The following ZNF34 variants were observed in gnomAD, a reference collection of about 807,000 sequenced individuals.
ZNF34 encodes zinc finger protein 34 (KOX 32).
A neutral mutation model predicts 14.4 loss-of-function variants in ZNF34; 8 were observed. The ratio of observed to expected loss-of-function variants is 0.55; its 90% confidence interval spans 0.33 to 1.00. The LOEUF is 1.00. Ranked by LOEUF, ZNF34 falls within the 50% of genes least tolerant of loss-of-function variation. The pLI is 0.03. For missense variants in ZNF34, 538 were observed against 674.2 expected (o/e 0.80, Z 2.24); for synonymous variants, 235 against 247.9 (o/e 0.95, Z 0.49).
At chr8:144,783,310 A>G (rs1826015914) in intron 1 of ZNF34, among the ~76,000 whole-genome samples, 1 of 152,214 alleles carries the variant, frequency 6.6e-6, no homozygotes, top group Admixed American at 6.5e-5. Context: ...AAGCACTTGT[A>G]GTAGATTCAG....
In ZNF34 at chr8:144,773,139, T is replaced by G. The variant is rs1825262396; in HGVS notation, c.*127A>C. 8.6e-6 allele frequency: 9 copies of G among 1,044,862 alleles called. No individual in the cohort carries two copies. Among genetic ancestry groups the G allele is most frequent in the South Asian group, 8.5e-5 (4 of 47,312 alleles). 64.7% of individuals were successfully genotyped at this position (1,044,862 alleles called of 1,614,324 possible). On this transcript the variant is annotated 3_prime_UTR_variant, in exon 6 of 6. Coordinates refer to ENST00000429371, the MANE Select transcript of ZNF34 (RefSeq NM_001286769.2). The surrounding 1 kb of genome is among the most constrained non-coding windows in gnomAD (Gnocchi z 5.4). Reference sequence around the variant, plus strand: ...TTTTGATTTAAGAAAAGAGGTTTGTTTAATGAGAAACGTCCTTTCACTCTG... The same window carrying G: ...TTTTGATTTAAGAAAAGAGGTTTGTGTAATGAGAAACGTCCTTTCACTCTG...
chr8:144,775,334 G>A (rs879636734), intron 5 of ZNF34, among the ~76,000 whole-genome samples: 1 of 152,184 alleles, frequency 6.6e-6, no homozygotes, highest in Non-Finnish European at 1.5e-5. Context: ...CTTATCTAAA[G>A]CTGATCTATG....
At chr8:144,786,183 T>C (rs1490432844) in intron 1 of ZNF34, among the ~76,000 whole-genome samples, 1 of 151,668 alleles carries the variant, frequency 6.6e-6, no homozygotes, top group African/African-American at 2.4e-5. Flanking sequence ...AGACGGGGTT[T>C]CACTGGGTTA....
Position 144,777,520 on chromosome 8 carries a change from T to C in ZNF34, c.218A>G (p.Glu73Gly). The part of the protein sequence containing the change: ...GVISQLERGD[E>G]PWVLDVQGTS... ...GCCCTGAACATCCAGGACCCAGGGCTCATCCCCTCGCTCCAACTGCGAGAT... is the reference window on the plus strand; with the variant it reads ...GCCCTGAACATCCAGGACCCAGGGCCCATCCCCTCGCTCCAACTGCGAGAT... The change falls in exon 5 of 6, where the codon GAG becomes GGG. Residue 73 changes from glutamate (E) to glycine (G), a missense_variant. Physicochemically the swap from Glu to Gly is moderately conservative, Grantham distance 98. Transcript: ENST00000429371. The surrounding 1 kb of genome is among the most constrained non-coding windows in gnomAD (Gnocchi z 4.8). 3 of 1,554,336 alleles carry C rather than the reference T, an allele frequency of 1.9e-6. No homozygotes were observed. The highest frequency in any genetic ancestry group is 2.6e-6 in the Non-Finnish European group (3 of 1,148,490).
Position 144,774,108 on chromosome 8 carries a change from A to G in ZNF34, c.778T>C (p.Cys260Arg), listed in dbSNP as rs778537418. 6.2e-7 allele frequency: 1 copy of G among 1,614,060 alleles called. No homozygotes were observed. The highest frequency in any genetic ancestry group is 2.2e-5 in the East Asian group (1 of 44,864). The change falls in exon 6 of 6, where the codon TGT becomes CGT. Residue 260 changes from cysteine to arginine, a missense_variant. By Grantham distance (180) the Cys-to-Arg change is radical. Around this residue, in one of 3 missense-constraint regions of ZNF34, gnomAD observed 431 missense variants for 525.7 expected, o/e 0.82. Transcript: ENST00000429371. ...RLHTEEKPYK[C>R]DECGKAFSQS... Reference sequence around the variant, plus strand: ...CTGAAGGCTTTCCCACACTCATCACATTTGTAGGGCTTCTCTTCAGTGTGA... The same window carrying G: ...CTGAAGGCTTTCCCACACTCATCACGTTTGTAGGGCTTCTCTTCAGTGTGA...
In ZNF34 at chr8:144,773,249, C is replaced by G; in HGVS notation, c.*17G>C. 6.3e-7 allele frequency: 1 copy of G among 1,580,926 alleles called. No individual in the cohort carries two copies. Among genetic ancestry groups the G allele is most frequent in the Admixed American group, 1.7e-5 (1 of 58,556 alleles). ...GAAGTGCTCAGCTGGACTCTGCCCT[C>G]GGACACCGCGCCACTGTTACATGGA... On this transcript the variant is annotated 3_prime_UTR_variant, in exon 6 of 6. Transcript: ENST00000429371. The surrounding 1 kb of genome is among the most constrained non-coding windows in gnomAD (Gnocchi z 5.4).
chr8:144,777,283 C>G lies in ZNF34; in HGVS notation c.280+175G>C, dbSNP rs1825582839. 1.3e-5 allele frequency among the ~76,000 whole-genome samples: 2 copies of G among 152,128 alleles called. No individual in the cohort carries two copies. The highest frequency in any genetic ancestry group is 2.9e-5 in the Non-Finnish European group (2 of 68,026). ...AGATTCTGCTCAATAATCTCCCCAC[C>G]AAGGTGCCCAGACTGAGAGGGGTCA... On this transcript the variant is annotated intron_variant, in intron 5 of 5. Coordinates refer to ENST00000429371, the MANE Select transcript of ZNF34 (RefSeq NM_001286769.2). This position sits in a 1 kb window ranked among gnomAD's most constrained non-coding sequence, Gnocchi z 4.8.
intron 1 of ZNF34, among the ~76,000 whole-genome samples, chr8:144,781,769 C>T (rs149970185): frequency 1.0e-3 from 156 of 152,230 alleles, no homozygotes; most frequent in African/African-American, 3.6e-3. Context: ...TGAAAAGTAA[C>T]CCTCTCCCCA....
intron 1 of ZNF34, among the ~76,000 whole-genome samples, chr8:144,784,584 A>C (rs1826108314): frequency 2.0e-5 from 3 of 151,588 alleles, no homozygotes; most frequent in Non-Finnish European, 4.4e-5. Flanking sequence ...ATGGTGAAAC[A>C]CTGTCTCTAC....
Position 144,778,448 on chromosome 8 carries a change from G to A in ZNF34, c.24C>T (p.Ala8=), listed in dbSNP as rs1415617053. The A allele has an allele frequency of 3.8e-6, 6 of 1,582,122 alleles. No homozygotes were observed. Among genetic ancestry groups the A allele is most frequent in the Non-Finnish European group, 5.2e-6 (6 of 1,164,518 alleles). ...GAGGACAGACACTCACCTGGGGTGG[G>A]GCAGACAGGAACAAGGCCGCCATTG... The part of the protein sequence containing the change: MAALFLS[A]PPQAEVTFED... The change falls in exon 3 of 6, where the codon GCC becomes GCT. Residue 8 remains alanine (A), a synonymous_variant. Transcript: ENST00000429371.
rs577421807 is a variant in ZNF34 at position 144,779,824 on chromosome 8, C to T, written c.-55+404G>A. ...TAAGCTGTCTCATTCAGGAGGAAAA[C>T]GACAATACTCATTCACTTTACATGG... On this transcript the variant is annotated intron_variant, in intron 2 of 5. Transcript: ENST00000429371. The surrounding 1 kb of genome is among the most constrained non-coding windows in gnomAD (Gnocchi z 4.1). Among the ~76,000 whole-genome samples the T allele has an allele frequency of 2.6e-5, 4 of 152,056 alleles. No homozygotes were observed. The highest frequency in any genetic ancestry group is 1.9e-4 in the East Asian group (1 of 5,192).
At chr8:144,775,425 A>G (rs970423685) in intron 5 of ZNF34, among the ~76,000 whole-genome samples, 1 of 152,232 alleles carries the variant, frequency 6.6e-6, no homozygotes, top group South Asian at 2.1e-4. Context: ...GACATGCACA[A>G]GAGTGTCCAC....
At position 144,773,881 on chromosome 8, in the gene ZNF34, G is replaced by A; in HGVS notation, c.1005C>T (p.Ile335=). Residue 335 remains isoleucine, a synonymous_variant, in exon 6 of 6, where the codon ATC becomes ATT. Transcript: ENST00000429371. This position sits in a 1 kb window ranked among gnomAD's most constrained non-coding sequence, Gnocchi z 5.4. ...ATTTATAGGGTTTCTCTCCGGTGTG[G>A]ATTCTCTGGTGATAAATCAGGGAAG... ...AYSSLIYHQR[I]HTGEKPYKCN... 6.2e-7 allele frequency: 1 copy of A among 1,613,880 alleles called. No individual in the cohort carries two copies. Among genetic ancestry groups the A allele is most frequent in the South Asian group, 1.1e-5 (1 of 91,054 alleles).
intron 2 of ZNF34, 87 bp from the exon 3 acceptor site, chr8:144,778,612 T>G (rs1249129222): frequency 9.1e-7 from 1 of 1,094,894 alleles, no homozygotes; most frequent in Admixed American, 3.2e-5. Context: ...TAAACAGCCC[T>G]GCCTGCCTCA....
chr8:144,786,946 G>C (rs1199611849), intron 1 of ZNF34, among the ~76,000 whole-genome samples: 3 of 152,138 alleles, frequency 2.0e-5, no homozygotes, highest in African/African-American at 7.2e-5. Flanking sequence ...GGGCCGCTGG[G>C]ACCAAGGGGT....
At chr8:144,783,965 T>C (rs1002334261) in intron 1 of ZNF34, among the ~76,000 whole-genome samples, 1 of 151,666 alleles carries the variant, frequency 6.6e-6, no homozygotes, top group Non-Finnish European at 1.5e-5. Flanking sequence ...ATCGAGACCA[T>C]CCTGGCTAAC....
At chr8:144,778,250 A>C (rs1194965703) in intron 3 of ZNF34, 86 bp from the exon 4 acceptor site, 3 of 1,539,488 alleles carry the variant, frequency 1.9e-6, no homozygotes, top group Non-Finnish European at 2.6e-6. Context: ...TGCTAAAGGC[A>C]GCAGCACAGT....
intron 1 of ZNF34, among the ~76,000 whole-genome samples, chr8:144,785,958 A>C (rs7829963): frequency 0.52 from 77,429 of 149,652 alleles, 20,378 homozygotes; most frequent in East Asian, 0.73. Context: ...TACAGAATAT[A>C]CACAGTATAA....
At position 144,778,475 on chromosome 8, in the gene ZNF34, C is replaced by T. The variant is rs781522685; in HGVS notation, c.-4G>A. The T allele has an allele frequency of 6.3e-7, 1 of 1,592,952 alleles. No individual in the cohort carries two copies. On this transcript the variant is annotated 5_prime_UTR_variant, in exon 3 of 6. Coordinates refer to ENST00000429371, the MANE Select transcript of ZNF34 (RefSeq NM_001286769.2). ...CAGACAGGAACAAGGCCGCCATTGC[C>T]TGAGGGTTGGGCTTTCTGAGGGCAG...
Sources: gnomAD v4.1 joint callset for allele counts (sites outside exome capture counted in the v4.1 genomes callset) on GRCh38, gnomAD v4.1.1 for gene constraint, gnomAD v4.1.1 regional missense constraint, Gnocchi (gnomAD v3.1) non-coding constraint, MANE v1.5 for transcripts, NCBI Gene and HGNC (gene_info 2026-07-23, HGNC 2026-07-21) for gene names.